The following TSHZ2 variants were observed in gnomAD, a reference collection of about 807,000 sequenced individuals.
TSHZ2 encodes teashirt zinc finger homeobox 2.
A neutral mutation model predicts 74.4 loss-of-function variants in TSHZ2; 21 were observed. The observed-to-expected ratio is 0.28, with a 90% CI of 0.20 to 0.41. The LOEUF (loss-of-function observed/expected upper bound fraction) is 0.41, where lower values mean the gene tolerates loss of function less well. TSHZ2 is among the 10% of genes least tolerant of loss of function. The pLI, the probability that TSHZ2 is intolerant of heterozygous loss-of-function variation, is 1.00. For synonymous variants in TSHZ2, 540 were observed against 515.3 expected (o/e 1.05, Z -0.65); for missense variants, 1,244 against 1,293.5 (o/e 0.96, Z 0.59).
chr20:53,000,855 G>A (rs891875184), intron 1 of TSHZ2, among the ~76,000 whole-genome samples: 1 of 152,010 alleles, frequency 6.6e-6, no homozygotes, highest in Non-Finnish European at 1.5e-5. Context: ...AAGTTTCCTC[G>A]GGAGATACTG....
At chr20:53,054,755 T>C (rs1484721020) in intron 1 of TSHZ2, among the ~76,000 whole-genome samples, 2 of 152,148 alleles carry the variant, frequency 1.3e-5, no homozygotes, top group Non-Finnish European at 2.9e-5. Flanking sequence ...TTCTCCCTTA[T>C]GTTAGGGTGT....
intron 2 of TSHZ2, among the ~76,000 whole-genome samples, chr20:53,417,504 C>T (rs1234904591): frequency 1.3e-5 from 2 of 152,110 alleles, no homozygotes; most frequent in Non-Finnish European, 2.9e-5. Flanking sequence ...ACTATGTTGG[C>T]CAGACTGGTC....
chr20:53,294,109 C>T (rs1282033358), intron 2 of TSHZ2, among the ~76,000 whole-genome samples: 2 of 152,048 alleles, frequency 1.3e-5, no homozygotes, highest in East Asian at 1.9e-4. Context: ...TGGGAAGAGG[C>T]GCACACAGGC....
chr20:53,107,331 C>G (rs1291296130), intron 1 of TSHZ2, among the ~76,000 whole-genome samples: 1 of 152,206 alleles, frequency 6.6e-6, no homozygotes, highest in African/African-American at 2.4e-5. Flanking sequence ...CTCTGTGCCT[C>G]AGTTTCCTCA....
chr20:53,034,300 A>G (rs1485504208), intron 1 of TSHZ2, among the ~76,000 whole-genome samples: 2 of 152,216 alleles, frequency 1.3e-5, no homozygotes, highest in Non-Finnish European at 2.9e-5. Context: ...TTGTAATAAC[A>G]GCTGCATTAA....
intron 2 of TSHZ2, among the ~76,000 whole-genome samples, chr20:53,272,221 A>G (rs1990854974): frequency 6.6e-6 from 1 of 152,144 alleles, no homozygotes. Context: ...CATGTTAGTC[A>G]GGCTGGTCTT....
At chr20:53,125,947 G>A (rs1434635072) in intron 1 of TSHZ2, among the ~76,000 whole-genome samples, 1 of 152,232 alleles carries the variant, frequency 6.6e-6, no homozygotes, top group Non-Finnish European at 1.5e-5. Flanking sequence ...CCATGACTTA[G>A]TGGCTACATT....
At chr20:53,008,768 C>T (rs1982737198) in intron 1 of TSHZ2, among the ~76,000 whole-genome samples, 1 of 152,012 alleles carries the variant, frequency 6.6e-6, no homozygotes, top group South Asian at 2.1e-4. Flanking sequence ...AGTGTATACC[C>T]TTATTCATGG....
chr20:53,331,810 G>T (rs759432425), intron 2 of TSHZ2, among the ~76,000 whole-genome samples: 12 of 152,122 alleles, frequency 7.9e-5, no homozygotes, highest in Non-Finnish European at 1.6e-4. Context: ...GACAGGGCAG[G>T]AACCCCTTCC....
intron 1 of TSHZ2, among the ~76,000 whole-genome samples, chr20:53,242,019 A>G (rs1478860186): frequency 6.6e-6 from 1 of 152,164 alleles, no homozygotes; most frequent in African/African-American, 2.4e-5. Context: ...TTTTAATAAT[A>G]GAGTGTTCTT....
chr20:52,984,604 C>A (rs995790257), intron 1 of TSHZ2, among the ~76,000 whole-genome samples: 1 of 152,042 alleles, frequency 6.6e-6, no homozygotes. Flanking sequence ...GATAAGCAAG[C>A]AAGGGGCTGG....
At chr20:53,159,559 C>T (rs1287265499) in intron 1 of TSHZ2, among the ~76,000 whole-genome samples, 1 of 151,734 alleles carries the variant, frequency 6.6e-6, no homozygotes, top group Non-Finnish European at 1.5e-5. Context: ...GTTCATGGAA[C>T]ACACATAATG....
intron 2 of TSHZ2, among the ~76,000 whole-genome samples, chr20:53,433,600 C>CACACAG (rs1477753838): frequency 1.3e-5 from 2 of 150,932 alleles, no homozygotes; most frequent in African/African-American, 2.4e-5. Context: ...CACACACACA[C>CACACAG]ACACACACAC....
chr20:53,256,596 C>T lies in TSHZ2; in HGVS notation c.*8+25C>T, dbSNP rs753806211. 72 of 1,534,518 alleles carry T rather than the reference C, an allele frequency of 4.7e-5. 1 individual carries two copies. The East Asian group carries it at 1.1e-3, about 24-fold the overall frequency. On this transcript the variant is annotated intron_variant, in intron 2 of 2. Transcript: ENST00000371497. This position sits in a 1 kb window ranked among gnomAD's most constrained non-coding sequence, Gnocchi z 4.3. ...GGTATGGGTTTGCTCTGAGGCATTGCGATTAGCCTGGTGAGGAGCTTTCTT... is the reference window on the plus strand; with the variant it reads ...GGTATGGGTTTGCTCTGAGGCATTGTGATTAGCCTGGTGAGGAGCTTTCTT...
chr20:53,315,686 C>T (rs141801013), intron 2 of TSHZ2, among the ~76,000 whole-genome samples: 94 of 152,238 alleles, frequency 6.2e-4, no homozygotes, highest in African/African-American at 2.2e-3. Flanking sequence ...ATTCTATGTG[C>T]CAGGTTTTTA....
intron 2 of TSHZ2, among the ~76,000 whole-genome samples, chr20:53,301,093 A>C (rs1403696975): frequency 6.6e-6 from 1 of 151,932 alleles, no homozygotes; most frequent in Non-Finnish European, 1.5e-5. Flanking sequence ...CAGCCTCCCA[A>C]GTAGCAGGTG....
chr20:53,061,859 A>G lies in TSHZ2; in HGVS notation c.40+88526A>G, dbSNP rs75882240. Among the ~76,000 whole-genome samples the G allele has an allele frequency of 9.8e-3, 1,497 of 152,292 alleles. 26 individuals carry two copies. Among genetic ancestry groups the G allele is most frequent in the African/African-American group, 0.034 (1,417 of 41,550 alleles). ...CACCCAACCACCTCAAATCTCAGAG[A>G]CATGGCCCACTTGAAATAAAGGTTA... On this transcript the variant is annotated intron_variant, in intron 1 of 2. Coordinates refer to ENST00000371497, the MANE Select transcript of TSHZ2 (RefSeq NM_173485.6).
chr20:53,239,754 TATA>T (rs1043877940), intron 1 of TSHZ2, among the ~76,000 whole-genome samples: 4 of 152,098 alleles, frequency 2.6e-5, no homozygotes, highest in African/African-American at 7.2e-5. Flanking sequence ...AACAAAAAAT[TATA>T]ATATTTTGCT....
chr20:53,320,667 A>C (rs1979222932), intron 2 of TSHZ2, among the ~76,000 whole-genome samples: 1 of 152,224 alleles, frequency 6.6e-6, no homozygotes, highest in Admixed American at 6.5e-5. Flanking sequence ...GGGGGTGTTA[A>C]AAACACATCA....
Sources: gnomAD v4.1 joint callset for allele counts (sites outside exome capture counted in the v4.1 genomes callset) on GRCh38, gnomAD v4.1.1 for gene constraint, Gnocchi (gnomAD v3.1) non-coding constraint, MANE v1.5 for transcripts, NCBI Gene and HGNC (gene_info 2026-07-23, HGNC 2026-07-21) for gene names.